EPHA6: variants seen among roughly 807,000 people sequenced by gnomAD.
EPHA6 encodes the protein ephrin type-A receptor 6.
Under a neutral mutation model 112.0 loss-of-function variants are expected in EPHA6, and 50 were observed. That is an observed-to-expected ratio of 0.45 (90% CI 0.36 to 0.56). EPHA6 has a LOEUF of 0.56. Among genes scored for constraint, EPHA6 ranks in the 20% least tolerant of loss-of-function variants. EPHA6 has a pLI of 0.00. For missense variants in EPHA6, 1,280 were observed against 1,417.4 expected, an observed-to-expected ratio of 0.90 and a Z score of 1.56; for synonymous variants, 529 against 490.7, an observed-to-expected ratio of 1.08 and a Z score of -1.03.
At chr3:97,367,962 C>A (rs2108966366) in intron 5 of EPHA6, among the ~76,000 whole-genome samples, 1 of 152,226 alleles carries the variant, frequency 6.6e-6, no homozygotes, top group South Asian at 2.1e-4. Context: ...TATCTTCCTT[C>A]CTTATGTAAC....
chr3:97,078,942 A>G (rs1020294065), intron 3 of EPHA6, among the ~76,000 whole-genome samples: 1 of 152,210 alleles, frequency 6.6e-6, no homozygotes, highest in African/African-American at 2.4e-5. Context: ...GCCATTGTGA[A>G]GACAGTGTGG....
chr3:96,829,566 C>T (rs1484751692), intron 1 of EPHA6, among the ~76,000 whole-genome samples: 4 of 152,084 alleles, frequency 2.6e-5, no homozygotes, highest in African/African-American at 9.7e-5. Flanking sequence ...CCTTGCCCTC[C>T]TCTTCTTGGG....
At chr3:97,544,383 C>T (rs1169063015) in intron 11 of EPHA6, among the ~76,000 whole-genome samples, 1 of 152,006 alleles carries the variant, frequency 6.6e-6, no homozygotes, top group African/African-American at 2.4e-5. Context: ...TGTTTATATG[C>T]TGGATTACAT....
chr3:97,437,148 C>T (rs1159705762), intron 6 of EPHA6, among the ~76,000 whole-genome samples: 1 of 151,624 alleles, frequency 6.6e-6, no homozygotes, highest in Non-Finnish European at 1.5e-5. Flanking sequence ...GCCAGGGAAG[C>T]CAAAAGATTG....
chr3:97,167,744 A>T (rs1237205660), intron 3 of EPHA6, among the ~76,000 whole-genome samples: 1 of 152,082 alleles, frequency 6.6e-6, no homozygotes, highest in Non-Finnish European at 1.5e-5. Flanking sequence ...TATCCAAGTC[A>T]TATTTTTATA....
chr3:96,897,631 T>A (rs2107560742), intron 2 of EPHA6, among the ~76,000 whole-genome samples: 1 of 152,332 alleles, frequency 6.6e-6, no homozygotes, highest in Non-Finnish European at 1.5e-5. Context: ...CCTGAGCAGA[T>A]GTTAACAAGT....
chr3:97,007,976 G>T (rs911950436), intron 3 of EPHA6, among the ~76,000 whole-genome samples: 6 of 152,320 alleles, frequency 3.9e-5, no homozygotes, highest in Middle Eastern at 3.4e-3. Flanking sequence ...GAAGTCTGCT[G>T]TTAGTCTGAT....
At chr3:97,023,986 T>C (rs1169949185) in intron 3 of EPHA6, among the ~76,000 whole-genome samples, 1 of 152,222 alleles carries the variant, frequency 6.6e-6, no homozygotes, top group African/African-American at 2.4e-5. Context: ...TCTCCGTTTC[T>C]GTTTCTGTAT....
intron 2 of EPHA6, among the ~76,000 whole-genome samples, chr3:96,986,619 A>G (rs865842694): frequency 6.6e-6 from 1 of 151,992 alleles, no homozygotes; most frequent in South Asian, 2.1e-4. Flanking sequence ...GTTTTTCCCC[A>G]TTGTACTTTC....
chr3:97,532,670 C>T, intron 11 of EPHA6, 127 bp downstream of exon 11: 1 of 746,468 alleles, frequency 1.3e-6, no homozygotes, highest in Non-Finnish European at 2.1e-6. Context: ...TATCATCACC[C>T]CCTCAGAGAC....
intron 4 of EPHA6, among the ~76,000 whole-genome samples, chr3:97,241,036 C>T (rs933558702): frequency 2.0e-5 from 3 of 151,450 alleles, no homozygotes; most frequent in Non-Finnish European, 4.4e-5. Flanking sequence ...TTGGGACCTA[C>T]CGGGACAGAT....
intron 7 of EPHA6, 124 bp from the exon 8 acceptor site, chr3:97,475,228 A>G: frequency 1.4e-6 from 1 of 701,754 alleles, no homozygotes; most frequent in East Asian, 2.8e-5. Flanking sequence ...AAATACTGAA[A>G]TAAAGGCCAA....
chr3:97,158,589 A>G (rs1373169745), intron 3 of EPHA6, among the ~76,000 whole-genome samples: 1 of 152,110 alleles, frequency 6.6e-6, no homozygotes, highest in African/African-American at 2.4e-5. Flanking sequence ...TTTAAACGGG[A>G]AAGGGTGGGA....
intron 3 of EPHA6, among the ~76,000 whole-genome samples, chr3:97,150,958 T>G (rs1166923892): frequency 6.6e-6 from 1 of 152,166 alleles, no homozygotes; most frequent in Non-Finnish European, 1.5e-5. Context: ...ATCAGATTTT[T>G]TAAAGTATTT....
At chr3:97,710,185 G>C (rs1362824517) in intron 14 of EPHA6, among the ~76,000 whole-genome samples, 1 of 152,142 alleles carries the variant, frequency 6.6e-6, no homozygotes, top group African/African-American at 2.4e-5. Context: ...CTAGAGTGAT[G>C]TTCTTCAGTC....
At chr3:97,365,269 T>A (rs2084649998) in intron 5 of EPHA6, among the ~76,000 whole-genome samples, 1 of 152,172 alleles carries the variant, frequency 6.6e-6, no homozygotes, top group Non-Finnish European at 1.5e-5. Context: ...TAAAGAGGTT[T>A]CAAAGAGATT....
intron 11 of EPHA6, among the ~76,000 whole-genome samples, chr3:97,546,666 A>C (rs1035412064): frequency 6.6e-6 from 1 of 152,206 alleles, no homozygotes; most frequent in African/African-American, 2.4e-5. Flanking sequence ...GTGTTTTCCA[A>C]CTTGGTTCCA....
chr3:97,080,629 G>A (rs2108196836), intron 3 of EPHA6, among the ~76,000 whole-genome samples: 1 of 152,114 alleles, frequency 6.6e-6, no homozygotes, highest in Non-Finnish European at 1.5e-5. Flanking sequence ...AAAAAAAGCA[G>A]CTTACAGTGA....
At chr3:97,282,344 C>G (rs559941795) in intron 5 of EPHA6, among the ~76,000 whole-genome samples, 4 of 151,952 alleles carry the variant, frequency 2.6e-5, no homozygotes, top group Non-Finnish European at 4.4e-5. Context: ...CAACAGATGC[C>G]GGCGAGGCTG....
Sources: allele counts gnomAD v4.1 joint callset (sites outside exome capture counted in the v4.1 genomes callset), GRCh38; gene constraint gnomAD v4.1.1; transcripts MANE v1.5; gene names NCBI Gene and HGNC (gene_info 2026-07-23, HGNC 2026-07-21).